Variants in PDE1C observed in about 807,000 individuals in gnomAD.
The protein encoded by PDE1C is phosphodiesterase 1C.
Under a neutral mutation model 93.1 loss-of-function variants are expected in PDE1C, and 62 were observed. The ratio of observed to expected loss-of-function variants is 0.67; its 90% CI spans 0.54 to 0.82. The LOEUF (loss-of-function observed/expected upper bound fraction) is 0.82. Among genes scored for constraint, PDE1C ranks in the 40% least tolerant of loss-of-function variants. The probability of loss-of-function intolerance (pLI) is 0.00; values close to 1 mark genes in which losing one functional copy is unlikely to be tolerated. For missense variants in PDE1C, 742 were observed against 884.6 expected, an observed-to-expected ratio of 0.84 and a Z score of 2.04; for synonymous variants, 325 against 310.1, an observed-to-expected ratio of 1.05 and a Z score of -0.50.
At chr7:32,070,256 G>C (rs776188680) in intron 1 of PDE1C, 37 bp downstream of exon 1, 1 of 1,613,216 alleles carries the variant, frequency 6.2e-7, no homozygotes, top group Non-Finnish European at 8.5e-7. Context: ...GGATGGGAGC[G>C]GGAAATGGGG....
At chr7:31,747,912 T>C (rs1451821717), downstream of PDE1C, among the ~76,000 whole-genome samples, 2 of 151,704 alleles carry the variant, frequency 1.3e-5, no homozygotes, top group Admixed American at 6.6e-5. Flanking sequence ...ATATAACTCC[T>C]GAGCAAGAAA....
chr7:31,763,537 C>T (rs1562755281), intron 17 of PDE1C, among the ~76,000 whole-genome samples: 1 of 152,150 alleles, frequency 6.6e-6, no homozygotes, highest in African/African-American at 2.4e-5. Context: ...ATAATCTGTT[C>T]TAGCACTCAG....
intron 2 of PDE1C, among the ~76,000 whole-genome samples, chr7:31,960,317 A>G (rs118079073): frequency 0.012 from 1,878 of 152,368 alleles, 15 homozygotes; most frequent in Non-Finnish European, 0.021. Flanking sequence ...AGAAAGACAC[A>G]ACATCATTTC....
At chr7:31,802,482 T>C (rs1349568110) in intron 16 of PDE1C, among the ~76,000 whole-genome samples, 1 of 151,712 alleles carries the variant, frequency 6.6e-6, no homozygotes, top group Non-Finnish European at 1.5e-5. Flanking sequence ...AAAAATCGTA[T>C]ATATTTACCT....
chr7:32,082,194 T>A (rs925535252), intron 3 of PDE1C, among the ~76,000 whole-genome samples: 13 of 152,180 alleles, frequency 8.5e-5, no homozygotes, highest in African/African-American at 1.9e-4. Context: ...TAAAAAACGG[T>A]GCACCAGGAG....
At chr7:31,934,516 T>G (rs1584057131) in intron 2 of PDE1C, among the ~76,000 whole-genome samples, 3 of 151,336 alleles carry the variant, frequency 2.0e-5, no homozygotes, top group South Asian at 4.2e-4. Flanking sequence ...AGTAGAAAAT[T>G]TATTACATAA....
intron 1 of PDE1C, among the ~76,000 whole-genome samples, chr7:32,321,314 C>A (rs374768115): frequency 7.2e-5 from 11 of 152,236 alleles, no homozygotes; most frequent in Admixed American, 3.3e-4. Flanking sequence ...AAAGGAAGAA[C>A]AATTTATGAA....
intron 9 of PDE1C, among the ~76,000 whole-genome samples, chr7:31,839,863 C>G (rs1302291387): frequency 6.6e-6 from 1 of 152,066 alleles, no homozygotes; most frequent in African/African-American, 2.4e-5. Flanking sequence ...ATGGTGAAAC[C>G]CCGTCTCTAC....
intron 1 of PDE1C, among the ~76,000 whole-genome samples, chr7:32,247,643 T>C (rs1004015236): frequency 6.6e-6 from 1 of 152,194 alleles, no homozygotes. Context: ...ACCCATATAA[T>C]CATTCTGTTT....
the PDE1C span, among the ~76,000 whole-genome samples, chr7:31,620,906 G>C: frequency 6.6e-6 from 1 of 152,042 alleles, no homozygotes; most frequent in Non-Finnish European, 1.5e-5. Context: ...ACAGAGAAGT[G>C]CTTAAAGGAG....
chr7:31,964,862 T>C (rs558904719), intron 2 of PDE1C, among the ~76,000 whole-genome samples: 125 of 152,322 alleles, frequency 8.2e-4, no homozygotes, highest in Non-Finnish European at 1.3e-3. Flanking sequence ...GGAGTGGACC[T>C]CCGGCAAACT....
chr7:31,829,587 C>T (rs144812630), intron 11 of PDE1C, among the ~76,000 whole-genome samples: 146 of 152,148 alleles, frequency 9.6e-4, no homozygotes, highest in African/African-American at 3.2e-3. Context: ...ACTGAAAGGA[C>T]GGAAAAGGGG....
chr7:32,339,168 T>C (rs894178317), intron 1 of PDE1C, among the ~76,000 whole-genome samples: 1 of 152,292 alleles, frequency 6.6e-6, no homozygotes, highest in East Asian at 1.9e-4. Context: ...GATGATATTA[T>C]GTAAAATAAA....
chr7:31,680,300 A>G, the PDE1C span, among the ~76,000 whole-genome samples: 1 of 152,250 alleles, frequency 6.6e-6, no homozygotes, highest in South Asian at 2.1e-4. Context: ...TTCATGAGCA[A>G]GTAAATGATG....
intron 3 of PDE1C, among the ~76,000 whole-genome samples, chr7:32,098,914 AT>A (rs909922857): frequency 6.6e-6 from 1 of 152,254 alleles, no homozygotes; most frequent in African/African-American, 2.4e-5. Context: ...GTTTAGGATG[AT>A]TTTTAAAGTT....
intron 2 of PDE1C, among the ~76,000 whole-genome samples, chr7:31,952,538 C>T (rs1473856168): frequency 1.3e-5 from 2 of 152,190 alleles, no homozygotes; most frequent in Non-Finnish European, 2.9e-5. Context: ...GCGTGAGCCA[C>T]TGCACCCAGT....
chr7:32,103,206 T>C (rs948569625), intron 3 of PDE1C, among the ~76,000 whole-genome samples: 18 of 152,134 alleles, frequency 1.2e-4, no homozygotes, highest in African/African-American at 4.3e-4. Context: ...TTTCAACAGA[T>C]ATTTGGAAGC....
At chr7:32,149,062 C>A (rs1243431691) in intron 3 of PDE1C, among the ~76,000 whole-genome samples, 3 of 152,074 alleles carry the variant, frequency 2.0e-5, no homozygotes, top group Non-Finnish European at 4.4e-5. Context: ...AATTAAAGTA[C>A]CTTCAATTGA....
intron 3 of PDE1C, among the ~76,000 whole-genome samples, chr7:32,110,996 T>A (rs1584781307): frequency 6.6e-6 from 1 of 152,262 alleles, no homozygotes; most frequent in East Asian, 1.9e-4. Context: ...AACTTGATAG[T>A]GAGGCCTTTC....
Sources: allele counts gnomAD v4.1 joint callset (sites outside exome capture counted in the v4.1 genomes callset), GRCh38; gene constraint gnomAD v4.1.1; transcripts MANE v1.5; gene names NCBI Gene and HGNC (gene_info 2026-07-23, HGNC 2026-07-21).